DROSHA: variants seen among roughly 807,000 people sequenced by gnomAD.
DROSHA encodes the protein drosha ribonuclease III, also known as ribonuclease 3.
Under a neutral mutation model 181.9 loss-of-function variants are expected in DROSHA, and 56 were observed. That is an observed-to-expected ratio of 0.31 (90% confidence interval 0.25 to 0.38). The LOEUF is 0.38. Ranked by LOEUF, DROSHA falls within the 10% of genes least tolerant of loss-of-function variation. The pLI is 1.00. For synonymous variants in DROSHA, 524 were observed against 591.2 expected, an observed-to-expected ratio of 0.89 and a Z score of 1.65; for missense variants, 1,218 against 1,743.5, an observed-to-expected ratio of 0.70 and a Z score of 5.37.
intron 20 of DROSHA, among the ~76,000 whole-genome samples, chr5:31,453,801 A>T (rs1747315098): frequency 6.6e-6 from 1 of 152,148 alleles, no homozygotes; most frequent in Admixed American, 6.5e-5. Flanking sequence ...AATCCCAGAC[A>T]TCAAGTCTCA....
chr5:31,485,382 G>A (rs1269105366), intron 14 of DROSHA, among the ~76,000 whole-genome samples: 1 of 119,384 alleles, frequency 8.4e-6, no homozygotes, highest in Non-Finnish European at 1.6e-5. Context: ...AAAAACAGAG[G>A]TCCTGTGTAC....
At chr5:31,483,483 T>G in intron 16 of DROSHA, 71 bp downstream of exon 16, 1 of 1,504,682 alleles carries the variant, frequency 6.6e-7, no homozygotes, top group Non-Finnish European at 9.2e-7. Context: ...CCCTGAAGAC[T>G]GAAAGGAAAA....
At chr5:31,406,491 A>C (rs1740666709) in intron 34 of DROSHA, among the ~76,000 whole-genome samples, 1 of 148,454 alleles carries the variant, frequency 6.7e-6, no homozygotes, top group African/African-American at 2.5e-5. Context: ...CTCTGTCTCC[A>C]AAAAAAAAAA....
At chr5:31,420,161 C>T (rs972328880) in intron 30 of DROSHA, among the ~76,000 whole-genome samples, 7 of 152,284 alleles carry the variant, frequency 4.6e-5, no homozygotes, top group Admixed American at 2.0e-4. Context: ...GGCTCACTCA[C>T]GGTTACAAAG....
rs187113973 is a variant in DROSHA, at chr5:31,491,842, T to C, written c.1842+1365A>G. On this transcript the variant is annotated intron_variant, in intron 13 of 35. Coordinates refer to ENST00000344624, the MANE Select transcript of DROSHA (RefSeq NM_001382508.1). ...CATAGTTTCACTCTTCTGCCCAGGC[T>C]GGAGTGCAGCAGCATGATCTCGGCT... Among the ~76,000 whole-genome samples the C allele has an allele frequency of 4.0e-3, 605 of 152,374 alleles. 10 individuals are homozygous for C. The highest frequency in any genetic ancestry group is 4.6e-3 in the Non-Finnish European group (310 of 68,036).
chr5:31,406,616 A>G (rs1185548381), intron 34 of DROSHA, among the ~76,000 whole-genome samples: 3 of 152,200 alleles, frequency 2.0e-5, no homozygotes, highest in African/African-American at 7.2e-5. Context: ...GCCAGGTAAT[A>G]TGGTTTTCTC....
At chr5:31,500,389 A>T (rs1260630076) in intron 11 of DROSHA, among the ~76,000 whole-genome samples, 1 of 152,174 alleles carries the variant, frequency 6.6e-6, no homozygotes, top group Non-Finnish European at 1.5e-5. Flanking sequence ...GACCTGGGGC[A>T]CTCAGGATAC....
At chr5:31,483,728 C>A (rs1022401863) in intron 15 of DROSHA, 100 bp from the exon 16 acceptor site, 11 of 1,180,728 alleles carry the variant, frequency 9.3e-6, no homozygotes, top group African/African-American at 1.6e-5. Flanking sequence ...ACCACAAAAA[C>A]TACCACCAGA....
chr5:31,488,658 T>C (rs1752064509), intron 13 of DROSHA, among the ~76,000 whole-genome samples: 1 of 152,166 alleles, frequency 6.6e-6, no homozygotes, highest in Admixed American at 6.5e-5. Context: ...TATGGATATA[T>C]GGCAACGAGA....
At chr5:31,508,557 C>A in intron 10 of DROSHA, 64 bp downstream of exon 10, 2 of 1,605,636 alleles carry the variant, frequency 1.2e-6, no homozygotes, top group Non-Finnish European at 1.7e-6. Context: ...ATCTTCTGAG[C>A]CCAGAGCAAT....
chr5:31,486,109 G>C (rs1033135576), intron 14 of DROSHA, among the ~76,000 whole-genome samples: 2 of 152,152 alleles, frequency 1.3e-5, no homozygotes, highest in Non-Finnish European at 2.9e-5. Flanking sequence ...ACCAAGCATT[G>C]ATCTTGTCAT....
chr5:31,501,652 G>A (rs1267512254), intron 11 of DROSHA, among the ~76,000 whole-genome samples: 2 of 152,072 alleles, frequency 1.3e-5, no homozygotes, highest in Non-Finnish European at 2.9e-5. Context: ...AACCAAGCAG[G>A]AACTCTGATT....
At position 31,529,189 on chromosome 5, in the gene DROSHA, A is replaced by G. The variant is rs1444060075; in HGVS notation, c.-46-84T>C. The stretch of plus-strand genomic sequence containing the variant: ...AAAATATTTCTGCAATTACCATAAC[A>G]CTAATTTTGTAGTTTCCAATACACT... On this transcript the variant is annotated intron_variant, in intron 3 of 35. Transcript: ENST00000344624. 6 of 1,246,704 alleles carry G rather than the reference A, an allele frequency of 4.8e-6. No homozygotes were observed. In the East Asian group the frequency reaches 1.5e-4, roughly 32 times the overall value. The allele number at this position is 1,246,704 out of a possible 1,614,324, so 77.2% of individuals were successfully genotyped here. A position where few individuals can be genotyped will look rare whatever the true frequency, so the allele number is the denominator to read the frequency against.
chr5:31,503,894 C>A (rs945328786), intron 11 of DROSHA, among the ~76,000 whole-genome samples: 20 of 152,098 alleles, frequency 1.3e-4, no homozygotes, highest in South Asian at 4.1e-4. Context: ...AGCCCTCAAA[C>A]AAGTTTTAAA....
chr5:31,458,067 A>G (rs1747879940), intron 20 of DROSHA, among the ~76,000 whole-genome samples: 1 of 152,198 alleles, frequency 6.6e-6, no homozygotes, highest in Non-Finnish European at 1.5e-5. Flanking sequence ...ACAGTCCCCA[A>G]CTTACAATGG....
rs397883162 is a variant in DROSHA at position 31,462,643 on chromosome 5, GA to G, written c.2574+1592del. Among the ~76,000 whole-genome samples, 3 of 135,900 alleles carry G rather than the reference GA, an allele frequency of 2.2e-5. No homozygotes were observed. In the South Asian group the frequency reaches 6.9e-4, roughly 31 times the overall value. The allele number at this position is 135,900 out of a possible 152,430, so 89.2% of individuals were successfully genotyped here. On this transcript the variant is annotated intron_variant, in intron 20 of 35. Coordinates refer to ENST00000344624, the MANE Select transcript of DROSHA (RefSeq NM_001382508.1). The stretch of plus-strand genomic sequence containing the variant: ...AGCACTCTTGTTTGCTTCACAAAAA[GA>G]AAAAAAAAGGCTCAATGCTTCAGAA...
chr5:31,519,705 T>C (rs1391943046), intron 6 of DROSHA, among the ~76,000 whole-genome samples: 1 of 152,234 alleles, frequency 6.6e-6, no homozygotes, highest in Admixed American at 6.5e-5. Flanking sequence ...TTCTTCATCA[T>C]GTTAAAGACA....
intron 33 of DROSHA, among the ~76,000 whole-genome samples, chr5:31,407,241 G>T (rs897889957): frequency 2.2e-4 from 34 of 152,106 alleles, no homozygotes; most frequent in Admixed American, 2.2e-3. Flanking sequence ...TATTTTCAAA[G>T]AATTTCTAAG....
intron 23 of DROSHA, among the ~76,000 whole-genome samples, chr5:31,447,047 A>T (rs1325495494): frequency 6.6e-6 from 1 of 152,204 alleles, no homozygotes; most frequent in Non-Finnish European, 1.5e-5. Flanking sequence ...CTCGAAAAAA[A>T]AAATGTGGTA....
Sources: allele counts gnomAD v4.1 joint callset (sites outside exome capture counted in the v4.1 genomes callset), GRCh38; gene constraint gnomAD v4.1.1; transcripts MANE v1.5; gene names NCBI Gene and HGNC (gene_info 2026-07-23, HGNC 2026-07-21).